The following ARHGEF12 variants were observed in gnomAD, a reference collection of about 807,000 sequenced individuals.
ARHGEF12 encodes the protein Rho guanine nucleotide exchange factor 12, also known as KMT2A/ARHGEF12 fusion protein.
In ARHGEF12, 66 loss-of-function variants were observed where a neutral mutation model predicts 211.2. That is an observed-to-expected ratio of 0.31 (90% CI 0.26 to 0.38). The LOEUF (loss-of-function observed/expected upper bound fraction) is 0.38, where lower values mean the gene tolerates loss of function less well. Ranked by LOEUF, ARHGEF12 falls within the 10% of genes least tolerant of loss-of-function variation. ARHGEF12 has a pLI of 1.00. For synonymous variants in ARHGEF12, 592 were observed against 638.4 expected (o/e 0.93, Z 1.09); for missense variants, 1,429 against 1,869.5 (o/e 0.76, Z 4.34).
chr11:120,378,611 G>A (rs566513864), intron 1 of ARHGEF12, among the ~76,000 whole-genome samples: 4 of 152,264 alleles, frequency 2.6e-5, no homozygotes, highest in East Asian at 1.9e-4. Context: ...GTATAGTTTA[G>A]CTCTTATGTT....
At chr11:120,429,575 T>A in intron 9 of ARHGEF12, 58 bp downstream of exon 9, 2 of 1,585,290 alleles carry the variant, frequency 1.3e-6, no homozygotes, top group Non-Finnish European at 1.7e-6. Flanking sequence ...TGGGCATGGT[T>A]GAGTTGGTGT....
intron 1 of ARHGEF12, among the ~76,000 whole-genome samples, chr11:120,393,788 A>T (rs543022934): frequency 6.6e-6 from 1 of 152,302 alleles, no homozygotes; most frequent in South Asian, 2.1e-4. Flanking sequence ...GATATAGAGT[A>T]CTTAAACAAT....
chr11:120,486,563 A>T lies in ARHGEF12; in HGVS notation c.*1486A>T, dbSNP rs1476939796. On this transcript the variant is annotated 3_prime_UTR_variant, in exon 41 of 41. Transcript: ENST00000397843. ...GGTTTTCCTTGTGCATTAGGTATAT[A>T]TTTTTTGAAGTATTTTTGCCAACTA... 1 of 226,786 alleles carries T rather than the reference A, an allele frequency of 4.4e-6. No homozygotes were observed. Among genetic ancestry groups the T allele is most frequent in the African/African-American group, 2.2e-5 (1 of 45,016 alleles). 14.0% of individuals were successfully genotyped at this position (226,786 alleles called of 1,614,324 possible).
chr11:120,460,543 G>T, intron 26 of ARHGEF12, 129 bp from the exon 27 acceptor site: 1 of 606,694 alleles, frequency 1.6e-6, no homozygotes. Context: ...TATATTTAAG[G>T]AGATAAGAAG....
chr11:120,479,954 G>C lies in ARHGEF12; in HGVS notation c.3767-6G>C. 6.2e-7 allele frequency: 1 copy of C among 1,607,550 alleles called. No individual in the cohort carries two copies. Among genetic ancestry groups the C allele is most frequent in the Middle Eastern group, 1.7e-4 (1 of 6,026 alleles). On this transcript the variant is annotated splice_polypyrimidine_tract_variant and splice_region_variant and intron_variant, in intron 37 of 40. Transcript: ENST00000397843. ...TTTTTTTCCCCCTCCTTCCTAAATC[G>C]TTTAGTGGGTTTGTTGAAGCAGTTG...
intron 6 of ARHGEF12, 93 bp from the exon 7 acceptor site, chr11:120,424,265 A>G: frequency 2.5e-6 from 2 of 796,546 alleles, no homozygotes; most frequent in Non-Finnish European, 4.1e-6. Flanking sequence ...ACTATATTAT[A>G]TTGGTTATAT....
intron 1 of ARHGEF12, among the ~76,000 whole-genome samples, chr11:120,371,297 T>C (rs1943582616): frequency 6.6e-6 from 1 of 152,340 alleles, no homozygotes; most frequent in East Asian, 1.9e-4. Context: ...GAGACCAGCC[T>C]GACCAACATG....
intron 4 of ARHGEF12, among the ~76,000 whole-genome samples, chr11:120,415,972 C>G (rs1945016317): frequency 6.6e-6 from 1 of 152,104 alleles, no homozygotes; most frequent in Admixed American, 6.5e-5. Flanking sequence ...AGGATGTGTG[C>G]ATAGTTCTTT....
At chr11:120,465,020 A>G in intron 27 of ARHGEF12, 1 of 559,290 alleles carries the variant, frequency 1.8e-6, no homozygotes, top group Non-Finnish European at 3.0e-6. Context: ...AAGAAAAAAA[A>G]AAGAAGAAGA....
chr11:120,399,961 T>A (rs1404577144), intron 1 of ARHGEF12, among the ~76,000 whole-genome samples: 1 of 152,162 alleles, frequency 6.6e-6, no homozygotes, highest in Non-Finnish European at 1.5e-5. Flanking sequence ...AATAAAGTTC[T>A]CAAGCTCAGA....
chr11:120,461,551 A>T (rs1591623332), intron 27 of ARHGEF12, among the ~76,000 whole-genome samples: 3 of 152,208 alleles, frequency 2.0e-5, no homozygotes, highest in Admixed American at 1.3e-4. Context: ...ATTGGCTTCA[A>T]CTTAAAGTCA....
chr11:120,367,182 A>G (rs1943447340), intron 1 of ARHGEF12, among the ~76,000 whole-genome samples: 1 of 152,050 alleles, frequency 6.6e-6, no homozygotes. Flanking sequence ...CAGATCTGTG[A>G]TTCTGTTGTT....
intron 1 of ARHGEF12, chr11:120,337,651 C>G: frequency 1.0e-6 from 1 of 985,370 alleles, no homozygotes; most frequent in Non-Finnish European, 1.2e-6. Flanking sequence ...CAGCTTTAGC[C>G]GTGTCCTGCA....
intron 1 of ARHGEF12, among the ~76,000 whole-genome samples, chr11:120,399,347 A>AAAAAAAAAAG (rs1565453341): frequency 2.0e-5 from 3 of 148,570 alleles, no homozygotes; most frequent in Non-Finnish European, 3.0e-5. Context: ...AAAAAAAAAA[A>AAAAAAAAAAG]AAAAGAAAAG....
intron 1 of ARHGEF12, among the ~76,000 whole-genome samples, chr11:120,359,265 C>G (rs1943214652): frequency 6.6e-6 from 1 of 152,098 alleles, no homozygotes; most frequent in Non-Finnish European, 1.5e-5. Context: ...CACTGTGTTG[C>G]TCAGGCTGGG....
chr11:120,345,970 A>G (rs1359991253), intron 1 of ARHGEF12, among the ~76,000 whole-genome samples: 3 of 152,256 alleles, frequency 2.0e-5, no homozygotes, highest in African/African-American at 7.2e-5. Context: ...AAATGATCCA[A>G]CTACCCAGAT....
At chr11:120,420,101 A>C (rs936121496) in intron 4 of ARHGEF12, among the ~76,000 whole-genome samples, 3 of 152,228 alleles carry the variant, frequency 2.0e-5, no homozygotes, top group African/African-American at 7.2e-5. Flanking sequence ...GAGATGAAGG[A>C]ACTGGTTGAG....
At chr11:120,338,771 C>T (rs1408107292) in intron 1 of ARHGEF12, among the ~76,000 whole-genome samples, 1 of 152,122 alleles carries the variant, frequency 6.6e-6, no homozygotes, top group African/African-American at 2.4e-5. Flanking sequence ...TGTTGGTTTT[C>T]ATTGCGATGC....
At chr11:120,413,041 T>C (rs1944933288) in intron 4 of ARHGEF12, among the ~76,000 whole-genome samples, 1 of 152,232 alleles carries the variant, frequency 6.6e-6, no homozygotes, top group Non-Finnish European at 1.5e-5. Flanking sequence ...TTCTATATTC[T>C]GCCTTGACTT....
Sources: gnomAD v4.1 joint callset for allele counts (sites outside exome capture counted in the v4.1 genomes callset) on GRCh38, gnomAD v4.1.1 for gene constraint, MANE v1.5 for transcripts, NCBI Gene and HGNC (gene_info 2026-07-23, HGNC 2026-07-21) for gene names.